The following MEGF11 variants were observed in gnomAD, a reference collection of about 807,000 sequenced individuals.
The protein encoded by MEGF11 is multiple epidermal growth factor-like domains protein 11.
MEGF11 carries 126 observed loss-of-function variants against 146.6 expected under a neutral mutation model. That is an observed-to-expected ratio of 0.86 (90% CI 0.74 to 1.00). The LOEUF is 1.00. Among genes scored for constraint, MEGF11 ranks in the 50% least tolerant of loss-of-function variants. MEGF11 has a pLI of 0.00. For synonymous variants in MEGF11, 532 were observed against 583.4 expected (o/e 0.91, Z 1.27); for missense variants, 1,509 against 1,521.2 (o/e 0.99, Z 0.13).
chr15:65,909,072 A>T lies in MEGF11; in HGVS notation c.2960T>A (p.Leu987His). The part of the protein sequence containing the change: ...RYPPEDFYIE[L>H]RHLSRPAEPH... ...CTCAGCGGGGCGGCTGAGGTGTCTA[A>T]GTTCAATGTAGAAGTCCTCGGGCGG... The change falls in exon 23 of 26, where the codon CTT (leucine) becomes CAT (histidine). Residue 987 changes from leucine (L) to histidine (H), a missense_variant. By Grantham distance (99) the Leu-to-His change is moderately conservative. Transcript: ENST00000395614. The T allele has an allele frequency of 6.5e-7, 1 of 1,535,570 alleles. No individual in the cohort carries two copies. Among genetic ancestry groups the T allele is most frequent in the Non-Finnish European group, 8.7e-7 (1 of 1,146,706 alleles).
intron 1 of MEGF11, among the ~76,000 whole-genome samples, chr15:66,245,871 G>A (rs534486847): frequency 6.6e-6 from 1 of 152,296 alleles, no homozygotes; most frequent in East Asian, 1.9e-4. Flanking sequence ...TGGCAGAGTA[G>A]GATGCAGTGC....
At chr15:66,229,440 A>AT (rs1426888433) in intron 1 of MEGF11, among the ~76,000 whole-genome samples, 2 of 152,146 alleles carry the variant, frequency 1.3e-5, no homozygotes, top group Non-Finnish European at 2.9e-5. Flanking sequence ...GGAGTTGCAG[A>AT]TCTTCTCCAG....
At chr15:66,160,242 CCTCTCTCT>C (rs143653192) in intron 1 of MEGF11, among the ~76,000 whole-genome samples, 2,273 of 133,486 alleles carry the variant, frequency 0.017, 61 homozygotes, top group African/African-American at 0.053. Context: ...AAGGAAAAGC[CCTCTCTCT>C]CTCTCTCTCT....
At chr15:65,957,097 C>T (rs976420027) in intron 10 of MEGF11, among the ~76,000 whole-genome samples, 1 of 152,174 alleles carries the variant, frequency 6.6e-6, no homozygotes, top group African/African-American at 2.4e-5. Context: ...AAACAATATT[C>T]AGCAGTAAGA....
At chr15:66,037,651 T>C (rs770265796) in intron 5 of MEGF11, among the ~76,000 whole-genome samples, 14 of 152,200 alleles carry the variant, frequency 9.2e-5, no homozygotes, top group African/African-American at 1.4e-4. Context: ...TGAAACTCAA[T>C]TGGGGCAGCT....
At chr15:66,185,816 A>AGCC (rs2090681196) in intron 1 of MEGF11, among the ~76,000 whole-genome samples, 1 of 152,188 alleles carries the variant, frequency 6.6e-6, no homozygotes, top group Non-Finnish European at 1.5e-5. Context: ...AGAACTTCAG[A>AGCC]GCCCTGGGCA....
chr15:66,115,661 C>A (rs546535770), intron 4 of MEGF11, among the ~76,000 whole-genome samples: 1 of 152,232 alleles, frequency 6.6e-6, no homozygotes, highest in Admixed American at 6.5e-5. Context: ...AAGTCTCAAG[C>A]CGCAGCACCT....
chr15:66,077,206 G>A (rs977916059), intron 5 of MEGF11, among the ~76,000 whole-genome samples: 1 of 152,220 alleles, frequency 6.6e-6, no homozygotes, highest in African/African-American at 2.4e-5. Context: ...ACACTGACCT[G>A]CTCAGCACTG....
At chr15:66,230,262 C>T (rs1262187101) in intron 1 of MEGF11, among the ~76,000 whole-genome samples, 1 of 152,162 alleles carries the variant, frequency 6.6e-6, no homozygotes, top group Non-Finnish European at 1.5e-5. Context: ...ATTGCCTGCT[C>T]CCTTGTCTGG....
chr15:65,911,015 G>A (rs1291483363), intron 21 of MEGF11, among the ~76,000 whole-genome samples: 2 of 152,150 alleles, frequency 1.3e-5, no homozygotes, highest in East Asian at 1.9e-4. Context: ...GTATGGGTCC[G>A]GGCACATTAA....
chr15:66,031,678 G>A (rs2083526805), intron 5 of MEGF11, among the ~76,000 whole-genome samples: 1 of 152,182 alleles, frequency 6.6e-6, no homozygotes, highest in Non-Finnish European at 1.5e-5. Context: ...CCAATTCAGT[G>A]TGTGATCTTG....
chr15:66,030,560 C>T (rs1283487724), intron 5 of MEGF11, among the ~76,000 whole-genome samples: 1 of 152,188 alleles, frequency 6.6e-6, no homozygotes, highest in Admixed American at 6.5e-5. Context: ...CAGGCATTCA[C>T]CACCACGCCC....
intron 1 of MEGF11, among the ~76,000 whole-genome samples, chr15:66,251,182 C>T (rs937436197): frequency 5.9e-5 from 9 of 152,186 alleles, no homozygotes; most frequent in South Asian, 2.1e-4. Context: ...GCTCATTGGC[C>T]CTGACAGTGC....
At chr15:66,210,017 G>T (rs939532434) in intron 1 of MEGF11, among the ~76,000 whole-genome samples, 1 of 152,028 alleles carries the variant, frequency 6.6e-6, no homozygotes, top group Non-Finnish European at 1.5e-5. Flanking sequence ...GTAGAGATGA[G>T]GTCTCTCTAT....
At chr15:66,191,743 G>A (rs1327261953) in intron 1 of MEGF11, among the ~76,000 whole-genome samples, 2 of 152,162 alleles carry the variant, frequency 1.3e-5, no homozygotes, top group Non-Finnish European at 2.9e-5. Context: ...TCAAAGGCCT[G>A]GGGGACCCCA....
At chr15:66,144,788 G>A (rs1037988849) in intron 1 of MEGF11, among the ~76,000 whole-genome samples, 32 of 152,166 alleles carry the variant, frequency 2.1e-4, no homozygotes, top group Non-Finnish European at 3.4e-4. Context: ...GGCAGGTGCC[G>A]TAGCATCCAT....
chr15:66,128,256 C>A, intron 2 of MEGF11, 50 bp downstream of exon 2: 2 of 1,279,818 alleles, frequency 1.6e-6, no homozygotes, highest in South Asian at 1.7e-5. Flanking sequence ...ACTGCCATGC[C>A]CAGGGCGATC....
intron 7 of MEGF11, among the ~76,000 whole-genome samples, chr15:65,979,340 C>G (rs72742849): frequency 0.11 from 16,885 of 152,204 alleles, 1,164 homozygotes; most frequent in Middle Eastern, 0.2. Context: ...AAGTGGTCCC[C>G]AAGGTCCTTT....
intron 5 of MEGF11, among the ~76,000 whole-genome samples, chr15:66,047,597 C>A (rs367989809): frequency 2.0e-5 from 3 of 152,228 alleles, no homozygotes; most frequent in African/African-American, 2.4e-5. Flanking sequence ...AGAATAGACA[C>A]CTTCTTCAGG....
Sources: gnomAD v4.1 joint callset for allele counts (sites outside exome capture counted in the v4.1 genomes callset) on GRCh38, gnomAD v4.1.1 for gene constraint, MANE v1.5 for transcripts, NCBI Gene and HGNC (gene_info 2026-07-23, HGNC 2026-07-21) for gene names.